Variants in ZNF512 observed in about 807,000 individuals in gnomAD.
ZNF512 encodes the protein zinc finger protein 512.
A neutral mutation model predicts 77.5 loss-of-function variants in ZNF512; 25 were observed. That is an observed-to-expected ratio of 0.32 (90% confidence interval 0.23 to 0.45). ZNF512 has a LOEUF of 0.45. ZNF512 is among the 20% of genes least tolerant of loss of function. The probability of loss-of-function intolerance (pLI) is 1.00; values close to 1 mark genes in which losing one functional copy is unlikely to be tolerated. For synonymous variants in ZNF512, 246 were observed against 239.9 expected, an observed-to-expected ratio of 1.03 and a Z score of -0.24; for missense variants, 483 against 692.6, an observed-to-expected ratio of 0.70 and a Z score of 3.40.
At chr2:27,586,853 T>A (rs1290334948) in intron 2 of ZNF512, among the ~76,000 whole-genome samples, 1 of 152,246 alleles carries the variant, frequency 6.6e-6, no homozygotes, top group African/African-American at 2.4e-5. Flanking sequence ...CAGTATGTTC[T>A]CATTTTTTTC....
chr2:27,587,877 T>G (rs1055409511), intron 2 of ZNF512, among the ~76,000 whole-genome samples: 4 of 150,436 alleles, frequency 2.7e-5, no homozygotes, highest in Admixed American at 2.0e-4. Flanking sequence ...ACGGGGTTTC[T>G]CCATGTTGGT....
At chr2:27,600,651 AT>A (rs770495834) in intron 5 of ZNF512, 39 bp from the exon 6 acceptor site, 17 of 1,598,852 alleles carry the variant, frequency 1.1e-5, no homozygotes, top group Non-Finnish European at 1.4e-5. Context: ...TTTCTGGAGA[AT>A]ACTGCAGATT....
At chr2:27,594,913 G>A (rs528805644) in intron 2 of ZNF512, among the ~76,000 whole-genome samples, 2 of 152,338 alleles carry the variant, frequency 1.3e-5, no homozygotes, top group African/African-American at 4.8e-5. Flanking sequence ...CAGATCACTC[G>A]AGGTCAGGAG....
At chr2:27,588,575 G>T (rs777481876) in intron 2 of ZNF512, among the ~76,000 whole-genome samples, 8 of 152,020 alleles carry the variant, frequency 5.3e-5, no homozygotes, top group Non-Finnish European at 1.2e-4. Flanking sequence ...ACTTGGACAT[G>T]TATATGTGTA....
At chr2:27,590,321 C>A (rs902094527) in intron 2 of ZNF512, among the ~76,000 whole-genome samples, 5 of 152,140 alleles carry the variant, frequency 3.3e-5, no homozygotes, top group Non-Finnish European at 7.4e-5. Context: ...TTATCTCTGG[C>A]AGTACTCTTT....
In ZNF512 at chr2:27,583,723, G is replaced by A. The variant is rs367653471; in HGVS notation, c.89+7G>A. The A allele has an allele frequency of 6.2e-7, 1 of 1,613,808 alleles. No individual in the cohort carries two copies. The highest frequency in any genetic ancestry group is 8.5e-7 in the Non-Finnish European group (1 of 1,179,940). On this transcript the variant is annotated splice_region_variant and intron_variant, in intron 2 of 13. Transcript: ENST00000355467. ...GGATCGTGGGAGCTAAGAAGTAAGT[G>A]AGGTTTTCTAAGGTCCTTTTATGAT...
rs1218403893 is a variant in ZNF512, at chr2:27,622,533, T to G, written c.*1072T>G. The stretch of plus-strand genomic sequence containing the variant: ...TATATCCTGAGACTTTGACACCAGA[T>G]GTAGATATTTATCTGGAGCTGGAAA... On this transcript the variant is annotated 3_prime_UTR_variant, in exon 14 of 14. Coordinates refer to ENST00000355467, the MANE Select transcript of ZNF512 (RefSeq NM_032434.4). 2.0e-5 allele frequency: 3 copies of G among 152,790 alleles called. No homozygotes were observed. Among genetic ancestry groups the G allele is most frequent in the African/African-American group, 4.8e-5 (2 of 41,462 alleles). 9.5% of individuals were successfully genotyped at this position (152,790 alleles called of 1,614,324 possible).
chr2:27,618,886 A>G (rs1240645112), intron 13 of ZNF512, among the ~76,000 whole-genome samples: 2 of 152,138 alleles, frequency 1.3e-5, no homozygotes, highest in East Asian at 1.9e-4. Context: ...TGCAGAAACT[A>G]TTGCTGCCTG....
In ZNF512 at chr2:27,621,710, C is replaced by G. The variant is rs1673132285; in HGVS notation, c.*249C>G. 4.9e-6 allele frequency: 2 copies of G among 407,790 alleles called. No individual in the cohort carries two copies. The highest frequency in any genetic ancestry group is 4.0e-5 in the African/African-American group (2 of 49,714). 25.3% of individuals were successfully genotyped at this position (407,790 alleles called of 1,614,324 possible). A position where few individuals can be genotyped will look rare whatever the true frequency, so the allele number is the denominator to read the frequency against. On this transcript the variant is annotated 3_prime_UTR_variant, in exon 14 of 14. Transcript: ENST00000355467. ...TTTTTTATCTTGCCCAAAGAGCTCCCTCTCAAGGCCAACTATAGGCTCCTC... is the reference window on the plus strand; with the variant it reads ...TTTTTTATCTTGCCCAAAGAGCTCCGTCTCAAGGCCAACTATAGGCTCCTC...
In ZNF512 at chr2:27,610,382, T is replaced by A. The variant is rs1215614746; in HGVS notation, c.1131+2343T>A. 1.6e-3 allele frequency among the ~76,000 whole-genome samples: 233 copies of A among 145,192 alleles called. 2 individuals are homozygous for A. The highest frequency in any genetic ancestry group is 3.6e-3 in the Middle Eastern group (1 of 276). On this transcript the variant is annotated intron_variant, in intron 10 of 13. Transcript: ENST00000355467. ...CCGTATCAAAAAAAAAAAAAATAAA[T>A]AAATAAATATTTGTTAACTCATTGA...
chr2:27,614,708 A>G (rs1411374732), intron 10 of ZNF512, among the ~76,000 whole-genome samples: 1 of 151,880 alleles, frequency 6.6e-6, no homozygotes, highest in Non-Finnish European at 1.5e-5. Context: ...CAACCAGAGA[A>G]TACCACTGTT....
chr2:27,606,286 G>GTTTGA (rs5830045), intron 9 of ZNF512, among the ~76,000 whole-genome samples: 87,708 of 150,972 alleles, frequency 0.58, 26,194 homozygotes, highest in East Asian at 0.84. Flanking sequence ...TTTTGATATA[G>GTTTGA]TTTATGTATT....
intron 10 of ZNF512, among the ~76,000 whole-genome samples, chr2:27,610,146 C>T (rs539852317): frequency 5.9e-5 from 9 of 151,914 alleles, no homozygotes; most frequent in Admixed American, 2.0e-4. Flanking sequence ...GGGCGGATCA[C>T]GAGGTCAGGA....
At chr2:27,612,353 C>T (rs1672702871) in intron 10 of ZNF512, among the ~76,000 whole-genome samples, 1 of 152,006 alleles carries the variant, frequency 6.6e-6, no homozygotes, top group African/African-American at 2.4e-5. Context: ...TCTAAGGAAT[C>T]CTGGTTCCTT....
intron 2 of ZNF512, among the ~76,000 whole-genome samples, chr2:27,593,195 T>TAC (rs57568574): frequency 0.063 from 7,078 of 112,000 alleles, 206 homozygotes; most frequent in South Asian, 0.077. Context: ...ACCCTGTCTC[T>TAC]ACACACACAC....
intron 2 of ZNF512, among the ~76,000 whole-genome samples, chr2:27,591,136 A>G (rs945564139): frequency 6.6e-6 from 1 of 152,180 alleles, no homozygotes; most frequent in Admixed American, 6.5e-5. Flanking sequence ...TCCTCAGCTC[A>G]AGGGATCCTC....
intron 9 of ZNF512, among the ~76,000 whole-genome samples, chr2:27,603,586 G>GTGTGTGTGTGTGTGTGTATATA (rs140043162): frequency 2.9e-4 from 21 of 72,476 alleles, no homozygotes; most frequent in African/African-American, 1.2e-3. Context: ...GTGTGTGTGT[G>GTGTGTGTGTGTGTGTGTATATA]TATATTTTTT....
chr2:27,621,588 C>T lies in ZNF512; in HGVS notation c.*127C>T, dbSNP rs1673125607. The T allele has an allele frequency of 1.1e-5, 11 of 991,694 alleles. 1 individual carries two copies. The Admixed American group carries it at 3.3e-4, about 29-fold the overall frequency. The allele number at this position is 991,694 out of a possible 1,614,324, so 61.4% of individuals were successfully genotyped here. ...AAGGCTGTGACTTTCTCAGCTCCTT[C>T]CTCCTGTGTAAATTTCACTGTCTTC... On this transcript the variant is annotated 3_prime_UTR_variant, in exon 14 of 14. Transcript: ENST00000355467.
chr2:27,596,141 C>A (rs1035788584), intron 2 of ZNF512, among the ~76,000 whole-genome samples: 1 of 152,146 alleles, frequency 6.6e-6, no homozygotes, highest in African/African-American at 2.4e-5. Context: ...TTCTTTATGT[C>A]TTTGCTATGT....
Sources: gnomAD v4.1 joint callset for allele counts (sites outside exome capture counted in the v4.1 genomes callset) on GRCh38, gnomAD v4.1.1 for gene constraint, MANE v1.5 for transcripts, NCBI Gene and HGNC (gene_info 2026-07-23, HGNC 2026-07-21) for gene names.